Variants in GPC5 observed in about 807,000 individuals in gnomAD.
GPC5 encodes the protein glypican 5.
In GPC5, 47 loss-of-function variants were observed where a neutral mutation model predicts 53.9. The observed-to-expected ratio is 0.87, with a 90% CI of 0.69 to 1.11. The LOEUF (loss-of-function observed/expected upper bound fraction) is 1.11. GPC5 is among the 50% of genes most tolerant of loss of function. The probability of loss-of-function intolerance (pLI) is 0.00; values close to 1 mark genes in which losing one functional copy is unlikely to be tolerated. For synonymous variants in GPC5, 286 were observed against 263.3 expected, an observed-to-expected ratio of 1.09 and a Z score of -0.84; for missense variants, 748 against 713.1, an observed-to-expected ratio of 1.05 and a Z score of -0.56.
chr13:92,323,862 A>G (rs2043232559), intron 7 of GPC5, among the ~76,000 whole-genome samples: 1 of 151,974 alleles, frequency 6.6e-6, no homozygotes, highest in South Asian at 2.1e-4. Flanking sequence ...ACAGGAATCC[A>G]TTAGTTATAT....
intron 7 of GPC5, among the ~76,000 whole-genome samples, chr13:92,417,416 T>C (rs1378005581): frequency 6.6e-6 from 1 of 152,190 alleles, no homozygotes; most frequent in East Asian, 1.9e-4. Flanking sequence ...TAAAATGGTG[T>C]AGCTTTTCTG....
At chr13:91,747,741 A>G (rs920609712) in intron 4 of GPC5, among the ~76,000 whole-genome samples, 1 of 152,048 alleles carries the variant, frequency 6.6e-6, no homozygotes, top group African/African-American at 2.4e-5. Flanking sequence ...TCTTCTATCT[A>G]AAGATTTATT....
At chr13:92,396,727 T>C (rs1875296194) in intron 7 of GPC5, among the ~76,000 whole-genome samples, 1 of 152,210 alleles carries the variant, frequency 6.6e-6, no homozygotes, top group South Asian at 2.1e-4. Context: ...TTTTACATGC[T>C]TCAGAGGCCT....
At chr13:92,155,836 TG>T (rs2041940884) in intron 7 of GPC5, among the ~76,000 whole-genome samples, 1 of 152,200 alleles carries the variant, frequency 6.6e-6, no homozygotes, top group Non-Finnish European at 1.5e-5. Flanking sequence ...CCATGCTTAC[TG>T]CCTTTTAGCT....
intron 7 of GPC5, among the ~76,000 whole-genome samples, chr13:92,318,544 C>T (rs987751811): frequency 6.6e-6 from 1 of 151,948 alleles, no homozygotes; most frequent in African/African-American, 2.4e-5. Flanking sequence ...TTAAGTATAC[C>T]TAATTTTTTT....
intron 7 of GPC5, among the ~76,000 whole-genome samples, chr13:92,287,866 C>T (rs564728475): frequency 1.3e-5 from 2 of 152,080 alleles, no homozygotes; most frequent in African/African-American, 4.8e-5. Context: ...TCCTTTTTCT[C>T]TTCTTCAGGG....
At chr13:92,129,012 G>T (rs1438813160) in intron 6 of GPC5, among the ~76,000 whole-genome samples, 1 of 152,016 alleles carries the variant, frequency 6.6e-6, no homozygotes, top group Non-Finnish European at 1.5e-5. Context: ...CAAAGCAACT[G>T]GGAGCCAAAC....
chr13:92,589,397 A>T (rs1883645225), intron 7 of GPC5, among the ~76,000 whole-genome samples: 1 of 152,190 alleles, frequency 6.6e-6, no homozygotes, highest in African/African-American at 2.4e-5. Context: ...CTGAGGCTAG[A>T]GACAATATTC....
At chr13:92,166,742 C>G (rs1054656709) in intron 7 of GPC5, among the ~76,000 whole-genome samples, 2 of 152,110 alleles carry the variant, frequency 1.3e-5, no homozygotes, top group Non-Finnish European at 2.9e-5. Flanking sequence ...CTGTTTAACA[C>G]TTGAGTATCA....
chr13:92,853,337 G>C (rs1257263827), intron 7 of GPC5, among the ~76,000 whole-genome samples: 1 of 152,130 alleles, frequency 6.6e-6, no homozygotes, highest in Non-Finnish European at 1.5e-5. Context: ...AATTGTTGTA[G>C]TTTATGATGA....
At chr13:91,774,194 T>C (rs1157551674) in intron 5 of GPC5, among the ~76,000 whole-genome samples, 1 of 152,166 alleles carries the variant, frequency 6.6e-6, no homozygotes, top group East Asian at 1.9e-4. Flanking sequence ...GTTCAGAGGA[T>C]TCTTACTAAA....
chr13:92,821,371 A>G (rs1273284351), intron 7 of GPC5, among the ~76,000 whole-genome samples: 1 of 152,136 alleles, frequency 6.6e-6, no homozygotes, highest in African/African-American at 2.4e-5. Context: ...AAGAACAGCC[A>G]ATTCATAATC....
At chr13:92,189,779 G>T (rs2042210498) in intron 7 of GPC5, among the ~76,000 whole-genome samples, 2 of 152,088 alleles carry the variant, frequency 1.3e-5, no homozygotes. Context: ...TTCCAGGAAA[G>T]ATTAAAGAAA....
At position 92,079,868 on chromosome 13, in the gene GPC5, C is replaced by T. The variant is rs1189268113; in HGVS notation, c.1402-64962C>T. On this transcript the variant is annotated intron_variant, in intron 6 of 7. Coordinates refer to ENST00000377067, the MANE Select transcript of GPC5 (RefSeq NM_004466.6). ...GCCTTTCCTTCAATGCTGCATCTCC[C>T]GGTCAGTGTGCCACCTCTAACTTCC... 3.3e-5 allele frequency among the ~76,000 whole-genome samples: 5 copies of T among 152,168 alleles called. No homozygotes were observed. The South Asian group carries it at 6.2e-4, about 19-fold the overall frequency.
chr13:92,318,012 T>C (rs1313811049), intron 7 of GPC5, among the ~76,000 whole-genome samples: 1 of 152,226 alleles, frequency 6.6e-6, no homozygotes, highest in African/African-American at 2.4e-5. Context: ...ATCAGAAAGT[T>C]ACTACTGAAA....
chr13:91,786,411 T>C (rs1364389500), intron 5 of GPC5, among the ~76,000 whole-genome samples: 1 of 152,234 alleles, frequency 6.6e-6, no homozygotes, highest in East Asian at 1.9e-4. Context: ...CTCCCTTCCT[T>C]ACTCACTTTG....
intron 7 of GPC5, among the ~76,000 whole-genome samples, chr13:92,618,696 A>AT (rs1884777266): frequency 6.6e-6 from 1 of 151,642 alleles, no homozygotes; most frequent in African/African-American, 2.4e-5. Context: ...TTAAAAAAAA[A>AT]AAAAAAAAGC....
intron 7 of GPC5, among the ~76,000 whole-genome samples, chr13:92,812,782 C>A (rs2138800501): frequency 6.6e-6 from 1 of 151,994 alleles, no homozygotes; most frequent in South Asian, 2.1e-4. Flanking sequence ...GATCAACATA[C>A]AAAACTCCAT....
At chr13:92,600,343 G>A (rs1884007319) in intron 7 of GPC5, among the ~76,000 whole-genome samples, 1 of 152,066 alleles carries the variant, frequency 6.6e-6, no homozygotes, top group Admixed American at 6.5e-5. Flanking sequence ...TTTCTTAAGG[G>A]CACAGCAATT....
Sources: gnomAD v4.1 joint callset for allele counts (sites outside exome capture counted in the v4.1 genomes callset) on GRCh38, gnomAD v4.1.1 for gene constraint, MANE v1.5 for transcripts, NCBI Gene and HGNC (gene_info 2026-07-23, HGNC 2026-07-21) for gene names.